The following CLC variants were observed in gnomAD, a reference collection of about 807,000 sequenced individuals.
CLC encodes the protein galectin-10.
CLC carries 15 observed loss-of-function variants against 13.9 expected under a neutral mutation model. The observed-to-expected ratio is 1.08, with a 90% confidence interval of 0.72 to 1.66. The LOEUF (loss-of-function observed/expected upper bound fraction) is 1.66, where lower values mean the gene tolerates loss of function less well. Ranked by LOEUF, CLC falls within the 40% of genes most tolerant of loss-of-function variation. CLC has a pLI of 0.00. For missense variants in CLC, 161 were observed against 169.1 expected (o/e 0.95, Z 0.27); for synonymous variants, 68 against 59.9 (o/e 1.14, Z -0.63).
intron 3 of CLC, among the ~76,000 whole-genome samples, chr19:39,732,061 T>G (rs1463250337): frequency 1.9e-5 from 2 of 104,048 alleles, no homozygotes; most frequent in African/African-American, 8.7e-5. Context: ...TTTTTATGGT[T>G]ATTAAATTAT....
intron 3 of CLC, chr19:39,734,058 G>A (rs1260209575): frequency 1.0e-6 from 1 of 985,280 alleles, no homozygotes. Flanking sequence ...AACAACACCT[G>A]TTGAATGAGA....
intron 1 of CLC, 68 bp downstream of exon 1, chr19:39,737,870 C>T (rs1967337541): frequency 2.7e-6 from 4 of 1,490,950 alleles, no homozygotes; most frequent in East Asian, 4.5e-5. Flanking sequence ...ATTTTCATCC[C>T]ATAAAATCTC....
chr19:39,733,811 G>C (rs1967264316), intron 3 of CLC: 1 of 336,816 alleles, frequency 3.0e-6, no homozygotes, highest in Non-Finnish European at 4.1e-6. Flanking sequence ...TAGTAATATT[G>C]TTCTGAGGAT....
chr19:39,733,989 T>C, intron 3 of CLC: 1 of 985,304 alleles, frequency 1.0e-6, no homozygotes, highest in Middle Eastern at 5.2e-4. Flanking sequence ...TTGACCCTGG[T>C]CAGGTATGGG....
At chr19:39,736,080 A>G (rs1358068255) in intron 1 of CLC, among the ~76,000 whole-genome samples, 1 of 152,066 alleles carries the variant, frequency 6.6e-6, no homozygotes, top group African/African-American at 2.4e-5. Context: ...CGATTTTCCA[A>G]TGTAGCTGTA....
chr19:39,734,499 G>A lies in CLC; in HGVS notation c.93-6C>T, dbSNP rs981969903. The stretch of plus-strand genomic sequence containing the variant: ...CCTGCAGATATGGTTCATTCCTGAG[G>A]GCAGAGCACACAGTGTTGAGCAGGT... On this transcript the variant is annotated splice_region_variant and splice_polypyrimidine_tract_variant and intron_variant, in intron 2 of 3. Transcript: ENST00000221804. The A allele has an allele frequency of 1.9e-6, 3 of 1,611,800 alleles. No individual in the cohort carries two copies. The highest frequency in any genetic ancestry group is 2.5e-6 in the Non-Finnish European group (3 of 1,177,956).
chr19:39,731,515 G>T lies in CLC; in HGVS notation c.304-10C>A. The T allele has an allele frequency of 3.1e-6, 5 of 1,588,048 alleles. No homozygotes were observed. Among genetic ancestry groups the T allele is most frequent in the Admixed American group, 1.8e-5 (1 of 56,832 alleles). ...GGCCATTGACCATTACCTACAGAAG[G>T]AAAAAAATACATCAGAAAGACAGTA... On this transcript the variant is annotated splice_polypyrimidine_tract_variant and intron_variant, in intron 3 of 3. Coordinates refer to ENST00000221804, the MANE Select transcript of CLC (RefSeq NM_001828.6).
intron 3 of CLC, 120 bp downstream of exon 3, chr19:39,734,163 G>A (rs572052665): frequency 2.2e-5 from 30 of 1,386,904 alleles, no homozygotes; most frequent in Admixed American, 1.6e-4. Context: ...GGGATAAGGG[G>A]AGTTGTGGGT....
Position 39,734,371 on chromosome 19 carries a change from C to T in CLC, c.215G>A (p.Trp72Ter), listed in dbSNP as rs747012171. ...VVMNSREYGA[W>*]KQQVESKNMP... is the part of the protein sequence containing the mutation. Reference sequence around the variant, plus strand: ...ATTCTTGGATTCCACCTGCTGCTTCCAGGCCCCATACTCACGGCTGTTCAT... The same window carrying T: ...ATTCTTGGATTCCACCTGCTGCTTCTAGGCCCCATACTCACGGCTGTTCAT... The change falls in exon 3 of 4, where the codon TGG becomes TAG. Residue 72 changes from tryptophan (W) to a stop codon, truncating the protein, a stop_gained. Transcript: ENST00000221804. LOFTEE classifies it high-confidence loss of function. The T allele has an allele frequency of 3.1e-6, 5 of 1,613,992 alleles. No homozygotes were observed. The East Asian group carries it at 1.1e-4, about 36-fold the overall frequency.
rs1314112987 is a variant in CLC, at chr19:39,734,264, G to A, written c.303+19C>T. Reference sequence around the variant, plus strand: ...AGATCCCATGGAAGCCGGGTGCGGGGAGCTCCTGGGGTGCTCACCTGGTAC... The same window carrying A: ...AGATCCCATGGAAGCCGGGTGCGGGAAGCTCCTGGGGTGCTCACCTGGTAC... On this transcript the variant is annotated intron_variant, in intron 3 of 3. Transcript: ENST00000221804. 6.2e-7 allele frequency: 1 copy of A among 1,610,130 alleles called. No individual in the cohort carries two copies. Among genetic ancestry groups the A allele is most frequent in the East Asian group, 2.2e-5 (1 of 44,804 alleles).
At chr19:39,737,580 C>G (rs541762113) in intron 1 of CLC, among the ~76,000 whole-genome samples, 1 of 152,062 alleles carries the variant, frequency 6.6e-6, no homozygotes, top group East Asian at 1.9e-4. Context: ...CACACACACT[C>G]ACATCACAGT....
At position 39,733,974 on chromosome 19, in the gene CLC, C is replaced by T. The variant is rs150228159; in HGVS notation, c.303+309G>A. 7.6e-4 allele frequency: 748 copies of T among 985,170 alleles called. 4 individuals are homozygous for T. In the African/African-American group the frequency reaches 0.012, roughly 16 times the overall value. The allele number at this position is 985,170 out of a possible 1,614,324, so 61.0% of individuals were successfully genotyped here. A position where few individuals can be genotyped will look rare whatever the true frequency, so the allele number is the denominator to read the frequency against. Reference sequence around the variant, plus strand: ...CATTTGGGGAAAATGGCAAGTGAACCGACATTGACCCTGGTCAGGTATGGG... The same window carrying T: ...CATTTGGGGAAAATGGCAAGTGAACTGACATTGACCCTGGTCAGGTATGGG... On this transcript the variant is annotated intron_variant, in intron 3 of 3. Coordinates refer to ENST00000221804, the MANE Select transcript of CLC (RefSeq NM_001828.6).
Position 39,733,946 on chromosome 19 carries a change from C to T in CLC, c.303+337G>A, listed in dbSNP as rs908218506. On this transcript the variant is annotated intron_variant, in intron 3 of 3. Transcript: ENST00000221804. ...TCATAAGGGGAAGATAGAGGATATT[C>T]TCCATTTGGGGAAAATGGCAAGTGA... The T allele has an allele frequency of 3.0e-5, 30 of 984,570 alleles. No homozygotes were observed. The African/African-American group carries it at 5.1e-4, about 17-fold the overall frequency. 61.0% of individuals were successfully genotyped at this position (984,570 alleles called of 1,614,324 possible).
chr19:39,731,488 T>C lies in CLC; in HGVS notation c.321A>G (p.Gln107=), dbSNP rs1391643199. 1.2e-6 allele frequency: 2 copies of C among 1,611,072 alleles called. No homozygotes were observed. Among genetic ancestry groups the C allele is most frequent in the South Asian group, 1.1e-5 (1 of 90,858 alleles). The part of the protein sequence containing the change: ...PDKYQVMVNG[Q]SSYTFDHRIK... ...TTCTATGGTCAAAGGTGTAAGAGGA[T>C]TGGCCATTGACCATTACCTACAGAA... The change falls in exon 4 of 4, where the codon CAA becomes CAG. Residue 107 remains glutamine, a synonymous_variant. Coordinates refer to ENST00000221804, the MANE Select transcript of CLC (RefSeq NM_001828.6).
chr19:39,734,386 C>A lies in CLC; in HGVS notation c.200G>T (p.Arg67Leu). ...CFGRRVVMNS[R>L]EYGAWKQQVE... is the part of the protein sequence containing the mutation. ...CTGCTGCTTCCAGGCCCCATACTCA[C>A]GGCTGTTCATGACCACACGACGACC... Residue 67 changes from arginine (R) to leucine (L), a missense_variant, in exon 3 of 4, where the codon CGT becomes CTT. By Grantham distance (102) the Arg-to-Leu change is moderately radical. Transcript: ENST00000221804. The A allele has an allele frequency of 6.2e-7, 1 of 1,614,048 alleles. No homozygotes were observed. The highest frequency in any genetic ancestry group is 8.5e-7 in the Non-Finnish European group (1 of 1,179,948).
At position 39,734,447 on chromosome 19, in the gene CLC, C is replaced by T. The variant is rs1389475275; in HGVS notation, c.139G>A (p.Glu47Lys). Residue 47 changes from glutamate (E) to lysine (K), a missense_variant, in exon 3 of 4, where the codon GAA becomes AAA. Transcript: ENST00000221804. ...TGGAAATGGAAGACAATGTCTGATT[C>T]CTCCTTCATCTCAGTGTGGAAATCC... ...QVDFHTEMKE[E>K]SDIVFHFQVC... 2.5e-6 allele frequency: 4 copies of T among 1,614,042 alleles called. No homozygotes were observed. The African/African-American group carries it at 4.0e-5, about 16-fold the overall frequency.
chr19:39,734,029 A>G (rs1172255577), intron 3 of CLC: 26 of 985,234 alleles, frequency 2.6e-5, no homozygotes, highest in Non-Finnish European at 3.0e-5. Context: ...GTGCAAGGAG[A>G]GGTGATGGCA....
At chr19:39,732,842 T>C (rs1028548853) in intron 3 of CLC, among the ~76,000 whole-genome samples, 3 of 149,602 alleles carry the variant, frequency 2.0e-5, no homozygotes, top group Non-Finnish European at 3.0e-5. Context: ...ACCTAGGCAT[T>C]ACCATTCAGG....
At chr19:39,731,584 T>C in intron 3 of CLC, 79 bp from the exon 4 acceptor site, 2 of 1,455,882 alleles carry the variant, frequency 1.4e-6, no homozygotes, top group Admixed American at 2.3e-5. Context: ...GGTGTCATAG[T>C]ACCTGAAACA....
Sources: allele counts gnomAD v4.1 joint callset (sites outside exome capture counted in the v4.1 genomes callset), GRCh38; gene constraint gnomAD v4.1.1; transcripts MANE v1.5; gene names NCBI Gene and HGNC (gene_info 2026-07-23, HGNC 2026-07-21).